Variants in B3GALNT2 observed in about 807,000 individuals in gnomAD.
The protein encoded by B3GALNT2 is beta-1,3-N-acetylgalactosaminyltransferase 2, also known as UDP-GalNAc:beta-1,3-N-acetylgalactosaminyltransferase 2.
B3GALNT2 carries 53 observed loss-of-function variants against 61.1 expected under a neutral mutation model. The observed-to-expected ratio is 0.87, with a 90% CI of 0.70 to 1.09. B3GALNT2 has a LOEUF of 1.09. Among genes scored for constraint, B3GALNT2 ranks in the 50% least tolerant of loss-of-function variants. The pLI is 0.00. For synonymous variants in B3GALNT2, 223 were observed against 237.4 expected, an observed-to-expected ratio of 0.94 and a Z score of 0.56; for missense variants, 544 against 623.0, an observed-to-expected ratio of 0.87 and a Z score of 1.35.
At chr1:235,446,759 G>A (rs1278760897), downstream of B3GALNT2, among the ~76,000 whole-genome samples, 3 of 150,602 alleles carry the variant, frequency 2.0e-5, no homozygotes, top group Admixed American at 6.6e-5. Context: ...GTACAGTGGC[G>A]CGATCATGGC....
In B3GALNT2 at chr1:235,457,065, T is replaced by C. The variant is rs117120280; in HGVS notation, c.1026-1381A>G. Among the ~76,000 whole-genome samples, 163 of 152,198 alleles carry C rather than the reference T, an allele frequency of 1.1e-3. 4 individuals carry two copies. In the East Asian group the frequency reaches 0.027, roughly 25 times the overall value. On this transcript the variant is annotated intron_variant, in intron 8 of 11. Coordinates refer to ENST00000366600, the MANE Select transcript of B3GALNT2 (RefSeq NM_152490.5). ...GCTCACGCCTATAATCCCAGCACTT[T>C]GGGAGGCCAAGGCAGGAAGACTGCT...
downstream of B3GALNT2, among the ~76,000 whole-genome samples, chr1:235,442,461 C>T (rs929070181): frequency 5.9e-5 from 9 of 151,776 alleles, no homozygotes; most frequent in Non-Finnish European, 8.8e-5. Flanking sequence ...TGAGCTACCG[C>T]GCCCTGTCAA....
At chr1:235,466,433 T>C (rs1203331798) in intron 6 of B3GALNT2, among the ~76,000 whole-genome samples, 2 of 152,050 alleles carry the variant, frequency 1.3e-5, no homozygotes, top group East Asian at 3.9e-4. Flanking sequence ...TGCAATGATA[T>C]CTCATTCTAG....
intron 1 of B3GALNT2, among the ~76,000 whole-genome samples, chr1:235,501,628 A>T (rs1685584175): frequency 6.6e-6 from 1 of 152,208 alleles, no homozygotes; most frequent in African/African-American, 2.4e-5. Flanking sequence ...TAGGCTCTCA[A>T]ATATTTGCTG....
downstream of B3GALNT2, among the ~76,000 whole-genome samples, chr1:235,445,365 A>G (rs1455272293): frequency 6.6e-6 from 1 of 152,242 alleles, no homozygotes; most frequent in East Asian, 1.9e-4. Flanking sequence ...ATGGTGGCTC[A>G]CACCTGTAAT....
At chr1:235,501,179 ATTT>A (rs1685565618) in intron 1 of B3GALNT2, among the ~76,000 whole-genome samples, 1 of 152,248 alleles carries the variant, frequency 6.6e-6, no homozygotes, top group African/African-American at 2.4e-5. Flanking sequence ...CAAAACGAGC[ATTT>A]TGTAATCAAG....
At chr1:235,486,671 T>C (rs1684821883) in intron 3 of B3GALNT2, among the ~76,000 whole-genome samples, 1 of 152,254 alleles carries the variant, frequency 6.6e-6, no homozygotes, top group Non-Finnish European at 1.5e-5. Flanking sequence ...AGGTATTACA[T>C]ATATGAAAAT....
rs145256959 is a variant in B3GALNT2, at chr1:235,448,991, A to G, written c.*1215T>C. On this transcript the variant is annotated 3_prime_UTR_variant, in exon 12 of 12. Transcript: ENST00000366600. ...TAATGATTTTCTGATCTTATTTCAT[A>G]TTTATTTTTACAGCTCATCACTGCA... 4,966 of 454,208 alleles carry G rather than the reference A, an allele frequency of 0.011. 35 individuals are homozygous for G. The highest frequency in any genetic ancestry group is 0.017 in the Middle Eastern group (31 of 1,838). The allele number at this position is 454,208 out of a possible 1,614,324, so 28.1% of individuals were successfully genotyped here. A position where few individuals can be genotyped will look rare whatever the true frequency, so the allele number is the denominator to read the frequency against.
chr1:235,453,871 G>A (rs987308133), intron 10 of B3GALNT2, among the ~76,000 whole-genome samples: 1 of 152,210 alleles, frequency 6.6e-6, no homozygotes, highest in Non-Finnish European at 1.5e-5. Flanking sequence ...TTTGAGAGGT[G>A]ATTCCTATAC....
downstream of B3GALNT2, among the ~76,000 whole-genome samples, chr1:235,443,544 G>C (rs760162152): frequency 6.6e-6 from 1 of 152,174 alleles, no homozygotes; most frequent in Admixed American, 6.6e-5. Flanking sequence ...GACCTTGAAT[G>C]GCATAGCCTT....
At chr1:235,487,757 A>C (rs1684869328) in intron 3 of B3GALNT2, among the ~76,000 whole-genome samples, 1 of 152,174 alleles carries the variant, frequency 6.6e-6, no homozygotes, top group Non-Finnish European at 1.5e-5. Context: ...CTGGTGACAC[A>C]GAGAACCTAG....
rs1314734591 is a variant in B3GALNT2 at position 235,447,786 on chromosome 1, A to G, written c.*2420T>C. Among the ~76,000 whole-genome samples, 5 of 152,262 alleles carry G rather than the reference A, an allele frequency of 3.3e-5. No homozygotes were observed. The East Asian group carries it at 9.6e-4, about 29-fold the overall frequency. ...GATTAAGAAAGAAATACACTACTGA[A>G]ATGGTATGAAACTCACTGTCAAAGG... On this transcript the variant is annotated 3_prime_UTR_variant, in exon 12 of 12. Coordinates refer to ENST00000366600, the MANE Select transcript of B3GALNT2 (RefSeq NM_152490.5).
chr1:235,480,031 AGTCTTT>A lies in B3GALNT2; in HGVS notation c.651+17_651+22del, dbSNP rs1684483907. ...CTATGAAGGACTGCATTGGTACTACAGTCTTTTCCTGCCATCCTGTACCTCTGGTAA... is the reference window on the plus strand; with the variant it reads ...CTATGAAGGACTGCATTGGTACTACATCCTGCCATCCTGTACCTCTGGTAA... On this transcript the variant is annotated intron_variant, in intron 5 of 11. Transcript: ENST00000366600. 8 of 1,613,054 alleles carry A rather than the reference AGTCTTT, an allele frequency of 5.0e-6. No individual in the cohort carries two copies. Among genetic ancestry groups the A allele is most frequent in the Non-Finnish European group, 5.9e-6 (7 of 1,179,444 alleles).
rs184706658 is a variant in B3GALNT2 at position 235,477,859 on chromosome 1, C to T, written c.651+2195G>A. ...ACAACATCTATTGATCTACTGAATGCGTGGCATATGGCAGCATGTTCTAAG... is the reference window on the plus strand; with the variant it reads ...ACAACATCTATTGATCTACTGAATGTGTGGCATATGGCAGCATGTTCTAAG... On this transcript the variant is annotated intron_variant, in intron 5 of 11. Coordinates refer to ENST00000366600, the MANE Select transcript of B3GALNT2 (RefSeq NM_152490.5). 2.6e-3 allele frequency among the ~76,000 whole-genome samples: 400 copies of T among 152,274 alleles called. 1 individual carries two copies. The highest frequency in any genetic ancestry group is 9.4e-3 in the African/African-American group (392 of 41,538).
chr1:235,477,235 CATTCA>C (rs1482329085), intron 5 of B3GALNT2, among the ~76,000 whole-genome samples: 2 of 151,646 alleles, frequency 1.3e-5, no homozygotes, highest in African/African-American at 4.8e-5. Context: ...TTCAAATCAC[CATTCA>C]AATCACCTAG....
In B3GALNT2 at chr1:235,504,018, T is replaced by C. The variant is rs1685711031; in HGVS notation, c.112+123A>G. On this transcript the variant is annotated intron_variant, in intron 1 of 11. Coordinates refer to ENST00000366600, the MANE Select transcript of B3GALNT2 (RefSeq NM_152490.5). ...AGGATGAAAAGAGCCGTTTGTTTCGTCTGGGGACCGTCGCGTTTGGCCCTT... is the reference window on the plus strand; with the variant it reads ...AGGATGAAAAGAGCCGTTTGTTTCGCCTGGGGACCGTCGCGTTTGGCCCTT... 3 of 1,064,514 alleles carry C rather than the reference T, an allele frequency of 2.8e-6. No individual in the cohort carries two copies. In the South Asian group the frequency reaches 1.4e-4, roughly 51 times the overall value. 65.9% of individuals were successfully genotyped at this position (1,064,514 alleles called of 1,614,324 possible).
chr1:235,464,103 C>A (rs963635509), intron 7 of B3GALNT2: 1 of 152,172 alleles, frequency 6.6e-6, no homozygotes, highest in Non-Finnish European at 1.5e-5. Flanking sequence ...CCAAGACCTA[C>A]GTATAAGTGC....
chr1:235,487,244 C>A (rs1271379727), intron 3 of B3GALNT2, among the ~76,000 whole-genome samples: 1 of 151,702 alleles, frequency 6.6e-6, no homozygotes, highest in Non-Finnish European at 1.5e-5. Flanking sequence ...AATTTGCTTA[C>A]AATGTTAACT....
chr1:235,463,092 T>C (rs834143), intron 7 of B3GALNT2, among the ~76,000 whole-genome samples: 75,415 of 152,034 alleles, frequency 0.5, 19,251 homozygotes, highest in East Asian at 0.65. Flanking sequence ...CTGCGTGCAG[T>C]TGGAGGCCAT....
Sources: gnomAD v4.1 joint callset for allele counts (sites outside exome capture counted in the v4.1 genomes callset) on GRCh38, gnomAD v4.1.1 for gene constraint, MANE v1.5 for transcripts, NCBI Gene and HGNC (gene_info 2026-07-23, HGNC 2026-07-21) for gene names.